ANKRD44: variants seen among roughly 807,000 people sequenced by gnomAD.
ANKRD44 encodes serine/threonine-protein phosphatase 6 regulatory ankyrin repeat subunit B.
Under a neutral mutation model 116.0 loss-of-function variants are expected in ANKRD44, and 35 were observed. The observed-to-expected ratio is 0.30, with a 90% CI of 0.23 to 0.40. The LOEUF (loss-of-function observed/expected upper bound fraction) is 0.40. Ranked by LOEUF, ANKRD44 falls within the 10% of genes least tolerant of loss-of-function variation. ANKRD44 has a pLI of 1.00. For missense variants in ANKRD44, 1,014 were observed against 1,242.6 expected, an observed-to-expected ratio of 0.82 and a Z score of 2.77; for synonymous variants, 435 against 461.8, an observed-to-expected ratio of 0.94 and a Z score of 0.74.
intron 1 of ANKRD44, among the ~76,000 whole-genome samples, chr2:197,254,466 A>G (rs960734603): frequency 6.6e-6 from 1 of 152,206 alleles, no homozygotes; most frequent in East Asian, 1.9e-4. Flanking sequence ...CTATCCTACC[A>G]AAGTGTCCTA....
At chr2:197,134,198 A>G (rs1165522105) in intron 4 of ANKRD44, 1 of 151,668 alleles carries the variant, frequency 6.6e-6, no homozygotes, top group East Asian at 1.9e-4. Context: ...TGATCCACCC[A>G]CCTTGTCCTC....
intron 1 of ANKRD44, among the ~76,000 whole-genome samples, chr2:197,248,576 G>GTATATA (rs1318550760): frequency 2.2e-3 from 242 of 110,466 alleles, no homozygotes; most frequent in Non-Finnish European, 3.9e-3. Flanking sequence ...GTGTGTGTGT[G>GTATATA]TGTATATATA....
At chr2:197,228,135 G>A (rs147040049) in intron 1 of ANKRD44, among the ~76,000 whole-genome samples, 3 of 152,282 alleles carry the variant, frequency 2.0e-5, no homozygotes, top group East Asian at 3.9e-4. Context: ...AAATTATGGT[G>A]GGATTTACCT....
At chr2:197,023,425 A>G (rs2076533969) in intron 17 of ANKRD44, among the ~76,000 whole-genome samples, 1 of 152,180 alleles carries the variant, frequency 6.6e-6, no homozygotes, top group Non-Finnish European at 1.5e-5. Context: ...TAGGACCTCC[A>G]CTTGATGTAC....
downstream of ANKRD44, chr2:196,986,619 C>T (rs1443030662): frequency 1.2e-6 from 1 of 804,188 alleles, no homozygotes; most frequent in East Asian, 1.3e-4. Context: ...TTTAAATTAG[C>T]ATAATTTAGA....
At chr2:197,147,882 ATC>A (rs1047296771) in intron 2 of ANKRD44, 38 of 456,254 alleles carry the variant, frequency 8.3e-5, no homozygotes, top group Admixed American at 3.1e-4. Flanking sequence ...GGTTGATATT[ATC>A]TCTGTTTTAT....
At chr2:197,195,334 T>A (rs1003470352) in intron 1 of ANKRD44, among the ~76,000 whole-genome samples, 1 of 152,084 alleles carries the variant, frequency 6.6e-6, no homozygotes, top group Non-Finnish European at 1.5e-5. Flanking sequence ...GAGAAAGGAA[T>A]AGAGTTTTCC....
At chr2:197,220,755 A>T (rs1361832349) in intron 1 of ANKRD44, among the ~76,000 whole-genome samples, 1 of 152,234 alleles carries the variant, frequency 6.6e-6, no homozygotes, top group Admixed American at 6.5e-5. Flanking sequence ...TCAGCATTAA[A>T]ACCTCTGAGA....
At chr2:197,227,574 A>G (rs990809357) in intron 1 of ANKRD44, among the ~76,000 whole-genome samples, 3 of 150,050 alleles carry the variant, frequency 2.0e-5, no homozygotes, top group African/African-American at 7.5e-5. Flanking sequence ...AACTATTTTA[A>G]AATAACCCAA....
downstream of ANKRD44, among the ~76,000 whole-genome samples, chr2:196,985,967 T>A (rs16860103): frequency 0.16 from 24,294 of 152,166 alleles, 2,134 homozygotes; most frequent in African/African-American, 0.23. Context: ...AATACCAAAG[T>A]TAGGCATGGT....
At chr2:197,219,223 C>T (rs1198766316) in intron 1 of ANKRD44, among the ~76,000 whole-genome samples, 1 of 152,014 alleles carries the variant, frequency 6.6e-6, no homozygotes, top group Non-Finnish European at 1.5e-5. Flanking sequence ...GCATATGCCA[C>T]CACATCCCGC....
chr2:197,293,107 C>T (rs866043435), intron 1 of ANKRD44, among the ~76,000 whole-genome samples: 2 of 151,888 alleles, frequency 1.3e-5, no homozygotes, highest in African/African-American at 4.8e-5. Context: ...ATTTACATAA[C>T]CAAAAATTAA....
chr2:197,167,881 G>A (rs897923082), intron 2 of ANKRD44, among the ~76,000 whole-genome samples: 2 of 152,312 alleles, frequency 1.3e-5, no homozygotes, highest in African/African-American at 2.4e-5. Context: ...GACTATCCCA[G>A]AGGCAGCATG....
At chr2:197,270,457 G>A (rs961591637) in intron 1 of ANKRD44, among the ~76,000 whole-genome samples, 5 of 152,140 alleles carry the variant, frequency 3.3e-5, no homozygotes, top group Non-Finnish European at 5.9e-5. Context: ...ATGGCACCAA[G>A]CAAAGTGACA....
At chr2:197,195,582 C>A (rs1382074079) in intron 1 of ANKRD44, among the ~76,000 whole-genome samples, 3 of 152,198 alleles carry the variant, frequency 2.0e-5, no homozygotes, top group Non-Finnish European at 4.4e-5. Context: ...GGCCCAGCAT[C>A]TTGGCCACTT....
At chr2:197,267,223 C>G (rs2082765084) in intron 1 of ANKRD44, among the ~76,000 whole-genome samples, 1 of 152,222 alleles carries the variant, frequency 6.6e-6, no homozygotes, top group Admixed American at 6.5e-5. Flanking sequence ...GGGTCGCCAT[C>G]ATGCACATTC....
chr2:197,133,754 C>T (rs1351616903), intron 4 of ANKRD44, among the ~76,000 whole-genome samples: 1 of 152,044 alleles, frequency 6.6e-6, no homozygotes, highest in East Asian at 1.9e-4. Flanking sequence ...ACTTTCTTTT[C>T]CCCAACTATT....
At chr2:197,026,847 T>A (rs1402483877) in intron 16 of ANKRD44, among the ~76,000 whole-genome samples, 1 of 151,880 alleles carries the variant, frequency 6.6e-6, no homozygotes, top group Non-Finnish European at 1.5e-5. Context: ...ATTGTGGATA[T>A]TTTTGGAGGT....
intron 16 of ANKRD44, among the ~76,000 whole-genome samples, chr2:197,076,402 A>G (rs528079423): frequency 6.6e-6 from 1 of 152,184 alleles, no homozygotes; most frequent in Non-Finnish European, 1.5e-5. Flanking sequence ...TGGAGTTTTA[A>G]AGACTGTTAA....
Sources: gnomAD v4.1 joint callset for allele counts (sites outside exome capture counted in the v4.1 genomes callset) on GRCh38, gnomAD v4.1.1 for gene constraint, MANE v1.5 for transcripts, NCBI Gene and HGNC (gene_info 2026-07-23, HGNC 2026-07-21) for gene names.